The following ID4 variants were observed in gnomAD, a reference collection of about 807,000 sequenced individuals.
ID4 encodes the protein DNA-binding protein inhibitor ID-4.
A neutral mutation model predicts 8.6 loss-of-function variants in ID4; 9 were observed. The ratio of observed to expected loss-of-function variants is 1.04; its 90% CI spans 0.63 to 1.82. ID4 has a LOEUF of 1.82. Ranked by LOEUF, ID4 falls within the 40% of genes most tolerant of loss-of-function variation. ID4 has a pLI of 0.00. For synonymous variants in ID4, 180 were observed against 118.0 expected (o/e 1.53, Z -3.41); for missense variants, 270 against 235.1 (o/e 1.15, Z -0.97).
rs1761285677 is a variant in ID4, at chr6:19,838,656, TC to T, written c.*14+17del. ...CGCGCTGTCCAGGTGAGCGCGCATT[TC>T]CCGTCTCGGGTGGCCGGTCACCAGA... On this transcript the variant is annotated intron_variant, in intron 2 of 2. Coordinates refer to ENST00000378700, the MANE Select transcript of ID4 (RefSeq NM_001546.4). 6.2e-7 allele frequency: 1 copy of T among 1,610,528 alleles called. No homozygotes were observed. The highest frequency in any genetic ancestry group is 1.3e-5 in the African/African-American group (1 of 74,722).
chr6:19,837,634 CCCGAGCGCG>C lies in ID4; in HGVS notation c.-117_-109del, dbSNP rs1474522200. 87 of 622,510 alleles carry C rather than the reference CCCGAGCGCG, an allele frequency of 1.4e-4. 1 individual carries two copies. The African/African-American group carries it at 1.6e-3, about 11-fold the overall frequency. The allele number at this position is 622,510 out of a possible 1,614,324, so 38.6% of individuals were successfully genotyped here. On this transcript the variant is annotated 5_prime_UTR_variant, in exon 1 of 3. Coordinates refer to ENST00000378700, the MANE Select transcript of ID4 (RefSeq NM_001546.4). Reference sequence around the variant, plus strand: ...GTTGGGCTCGGGAGTGTCGCGGTGCCCCGAGCGCGCCGGGCGCGGAGGCAAAGGGAGCGG... The same window carrying C: ...GTTGGGCTCGGGAGTGTCGCGGTGCCCCGGGCGCGGAGGCAAAGGGAGCGG...
Position 19,838,141 on chromosome 6 carries a change from G to C in ID4, c.387G>C (p.Gly129=). The change falls in exon 1 of 3, where the codon GGG becomes GGC. Residue 129 remains glycine (G), a synonymous_variant. Transcript: ENST00000378700. ...CCGCGCCGCCACACCACCCGGCCGG[G>C]ACCTGTCCAGCCGCGCCGCCGCGGA... ...PPPAPPHHPA[G]TCPAAPPRTP... 2 of 1,557,626 alleles carry C rather than the reference G, an allele frequency of 1.3e-6. No individual in the cohort carries two copies. The highest frequency in any genetic ancestry group is 1.7e-6 in the Non-Finnish European group (2 of 1,152,332).
At position 19,839,758 on chromosome 6, in the gene ID4, GAGAA is replaced by G. The variant is rs72547244; in HGVS notation, c.*566_*569del. 64 of 152,560 alleles carry G rather than the reference GAGAA, an allele frequency of 4.2e-4. 1 individual carries two copies. In the East Asian group the frequency reaches 0.012, roughly 29 times the overall value. The allele number at this position is 152,560 out of a possible 1,614,324, so 9.5% of individuals were successfully genotyped here. On this transcript the variant is annotated 3_prime_UTR_variant, in exon 3 of 3. Transcript: ENST00000378700. ...ATATATAGAGATGTTCTATAAGTGT[GAGAA>G]AGTATATGCTTTAATAGATACTGTA... is the stretch of plus-strand genomic sequence containing the variant.
Position 19,842,098 on chromosome 6 carries a change from G to GT in ID4, c.*2904dup, listed in dbSNP as rs1761369776. On this transcript the variant is annotated 3_prime_UTR_variant, in exon 3 of 3. Coordinates refer to ENST00000378700, the MANE Select transcript of ID4 (RefSeq NM_001546.4). ...TGTGTAAACCTTACTCAAGTTTATT[G>GT]TCAAGCTTTAACTGCCTTTTTAGAA... is the stretch of plus-strand genomic sequence containing the variant. 6.6e-6 allele frequency among the ~76,000 whole-genome samples: 1 copy of GT among 152,166 alleles called. No individual in the cohort carries two copies. The highest frequency in any genetic ancestry group is 1.5e-5 in the Non-Finnish European group (1 of 68,014).
In ID4 at chr6:19,838,137, C is replaced by T; in HGVS notation, c.383C>T (p.Ala128Val). 1 of 1,565,626 alleles carries T rather than the reference C, an allele frequency of 6.4e-7. No individual in the cohort carries two copies. Among genetic ancestry groups the T allele is most frequent in the South Asian group, 1.2e-5 (1 of 85,588 alleles). ...PPPPAPPHHP[A>V]GTCPAAPPRT... ...CCGCCCGCGCCGCCACACCACCCGGCCGGGACCTGTCCAGCCGCGCCGCCG... is the reference window on the plus strand; with the variant it reads ...CCGCCCGCGCCGCCACACCACCCGGTCGGGACCTGTCCAGCCGCGCCGCCG... The change falls in exon 1 of 3, where the codon GCC becomes GTC. Residue 128 changes from alanine (A) to valine (V), a missense_variant. Ala to Val is a moderately conservative substitution (Grantham distance 64). Around this residue, in one of 3 missense-constraint regions of ID4, gnomAD observed 107 missense variants for 81.0 expected, o/e 1.32. Coordinates refer to ENST00000378700, the MANE Select transcript of ID4 (RefSeq NM_001546.4).
At position 19,838,018 on chromosome 6, in the gene ID4, C is replaced by T. The variant is rs781362981; in HGVS notation, c.264C>T (p.Val88=). Residue 88 remains valine (V), a synonymous_variant, in exon 1 of 3, where the codon GTC becomes GTT. Coordinates refer to ENST00000378700, the MANE Select transcript of ID4 (RefSeq NM_001546.4). ...LVPTIPPNKK[V]SKVEILQHVI... ...CCACCATCCCGCCCAACAAGAAAGTCAGCAAAGTGGAGATCCTGCAGCACG... is the reference window on the plus strand; with the variant it reads ...CCACCATCCCGCCCAACAAGAAAGTTAGCAAAGTGGAGATCCTGCAGCACG... The T allele has an allele frequency of 3.1e-6, 5 of 1,605,136 alleles. No individual in the cohort carries two copies. The Admixed American group carries it at 5.1e-5, about 16-fold the overall frequency.
intron 1 of ID4, 46 bp downstream of exon 1, chr6:19,838,241 G>T: frequency 7.6e-7 from 1 of 1,314,756 alleles, no homozygotes; most frequent in Non-Finnish European, 9.6e-7. Context: ...CGGGGGATGG[G>T]AGGTTGGTGG....
chr6:19,838,315 C>T lies in ID4; in HGVS notation c.441+120C>T, dbSNP rs964941097. ...AGGGGCGGGCCAGGAATGACAGCCC[C>T]CTCCCCCTGCTCCTCCGGGCTCCCC... On this transcript the variant is annotated intron_variant, in intron 1 of 2. Transcript: ENST00000378700. 1.4e-5 allele frequency: 15 copies of T among 1,058,792 alleles called. No individual in the cohort carries two copies. The East Asian group carries it at 3.0e-4, about 21-fold the overall frequency. The allele number at this position is 1,058,792 out of a possible 1,614,324, so 65.6% of individuals were successfully genotyped here.
At position 19,840,469 on chromosome 6, in the gene ID4, A is replaced by AG. The variant is rs1336584863; in HGVS notation, c.*1275dup. 3 of 148,198 alleles carry AG rather than the reference A, an allele frequency of 2.0e-5. No individual in the cohort carries two copies. Among genetic ancestry groups the AG allele is most frequent in the Non-Finnish European group, 3.1e-5 (2 of 65,432 alleles). The allele number at this position is 148,198 out of a possible 1,614,324, so 9.2% of individuals were successfully genotyped here. ...CAAAGAATTAATAGGCAACAGTGGGAGAAAAAAAAGGCATAATGGCAAATC... is the reference window on the plus strand; with the variant it reads ...CAAAGAATTAATAGGCAACAGTGGGAGGAAAAAAAAGGCATAATGGCAAATC... On this transcript the variant is annotated 3_prime_UTR_variant, in exon 3 of 3. Transcript: ENST00000378700.
In ID4 at chr6:19,841,600, A is replaced by G. The variant is rs2113469425; in HGVS notation, c.*2405A>G. On this transcript the variant is annotated 3_prime_UTR_variant, in exon 3 of 3. Coordinates refer to ENST00000378700, the MANE Select transcript of ID4 (RefSeq NM_001546.4). ...GTTTGTATTTGGGGCATGAAAAACT[A>G]CTGAAAGAAGAAAAGTGCTACAGAT... is the stretch of plus-strand genomic sequence containing the variant. Among the ~76,000 whole-genome samples the G allele has an allele frequency of 6.6e-6, 1 of 152,320 alleles. No individual in the cohort carries two copies. The highest frequency in any genetic ancestry group is 1.5e-5 in the Non-Finnish European group (1 of 68,020).
Position 19,837,696 on chromosome 6 carries a change from T to G in ID4, c.-59T>G. On this transcript the variant is annotated 5_prime_UTR_variant, in exon 1 of 3. Coordinates refer to ENST00000378700, the MANE Select transcript of ID4 (RefSeq NM_001546.4). ...CCGGCCGCGGACGGGGCCCGGAGCT[T>G]GCCTGCCTCCCTCGCTCGCCCCAGC... 2 of 1,061,808 alleles carry G rather than the reference T, an allele frequency of 1.9e-6. No individual in the cohort carries two copies. Among genetic ancestry groups the G allele is most frequent in the Non-Finnish European group, 2.3e-6 (2 of 875,084 alleles). 65.8% of individuals were successfully genotyped at this position (1,061,808 alleles called of 1,614,324 possible).
chr6:19,837,942 G>C lies in ID4; in HGVS notation c.188G>C (p.Cys63Ser). ...GCGGCGGCCGACGAGCCGGCGCTGT[G>C]CCTGCAGTGCGATATGAACGACTGC... ...AEAAADEPAL[C>S]LQCDMNDCYS... The change falls in exon 1 of 3, where the codon TGC becomes TCC. Residue 63 changes from cysteine to serine, a missense_variant. Physicochemically the swap from Cys to Ser is moderately radical, Grantham distance 112 (BLOSUM62 -1). This residue lies in a region of ID4 where 160 missense variants were observed against 131.5 expected (regional missense o/e 1.22). Coordinates refer to ENST00000378700, the MANE Select transcript of ID4 (RefSeq NM_001546.4). 6.6e-7 allele frequency: 1 copy of C among 1,511,604 alleles called. No individual in the cohort carries two copies. 93.6% of individuals were successfully genotyped at this position (1,511,604 alleles called of 1,614,324 possible).
chr6:19,838,908 G>A, intron 2 of ID4: 3 of 526,372 alleles, frequency 5.7e-6, no homozygotes, highest in Non-Finnish European at 1.0e-5. Flanking sequence ...GGGCTCTTCT[G>A]CCTTCCCTAG....
In ID4 at chr6:19,840,040, T is replaced by C. The variant is rs1027872654; in HGVS notation, c.*845T>C. On this transcript the variant is annotated 3_prime_UTR_variant, in exon 3 of 3. Transcript: ENST00000378700. ...ATGTTTAATCACAAATTAAACTTGT[T>C]CTGAGTCCATTCAAATGTGTTTTTT... The C allele has an allele frequency of 6.6e-6, 1 of 152,604 alleles. No individual in the cohort carries two copies. Among genetic ancestry groups the C allele is most frequent in the Non-Finnish European group, 1.5e-5 (1 of 68,016 alleles). 9.5% of individuals were successfully genotyped at this position (152,604 alleles called of 1,614,324 possible).
chr6:19,838,267 C>G (rs1054782398), intron 1 of ID4, 72 bp downstream of exon 1: 1 of 1,257,878 alleles, frequency 7.9e-7, no homozygotes, highest in Admixed American at 4.2e-5. Context: ...TGGCGGGACG[C>G]GGGCGCTCAC....
chr6:19,838,194 C>A lies in ID4; in HGVS notation c.440C>A (p.Pro147Gln). Reference sequence around the variant, plus strand: ...CCGCTCACTGCGCTCAACACCGACCCGGTGAGAGGCCGGGCGCCGGCCGTG... The same window carrying A: ...CCGCTCACTGCGCTCAACACCGACCAGGTGAGAGGCCGGGCGCCGGCCGTG... ...RTPLTALNTD[P>Q]AGAVNKQGDS... The change falls in exon 1 of 3, where the codon CCG (proline) becomes CAG (glutamine). Residue 147 changes from proline to glutamine, a missense_variant and splice_region_variant. This residue lies in a region of ID4 where 107 missense variants were observed against 81.0 expected (regional missense o/e 1.32). Transcript: ENST00000378700. 2 of 1,374,766 alleles carry A rather than the reference C, an allele frequency of 1.5e-6. No individual in the cohort carries two copies. The highest frequency in any genetic ancestry group is 1.8e-5 in the South Asian group (1 of 55,950). The allele number at this position is 1,374,766 out of a possible 1,614,324, so 85.2% of individuals were successfully genotyped here. A position where few individuals can be genotyped will look rare whatever the true frequency, so the allele number is the denominator to read the frequency against.
rs1761315812 is a variant in ID4 at position 19,839,669 on chromosome 6, C to A, written c.*474C>A. ...TAGATGATTATAACGGGGCAGAGAA[C>A]TTTCTTTTCTCTGCAAGAATGTTAC... On this transcript the variant is annotated 3_prime_UTR_variant, in exon 3 of 3. Coordinates refer to ENST00000378700, the MANE Select transcript of ID4 (RefSeq NM_001546.4). The A allele has an allele frequency of 6.6e-6, 1 of 152,350 alleles. No individual in the cohort carries two copies. The highest frequency in any genetic ancestry group is 2.4e-5 in the African/African-American group (1 of 41,304). 9.4% of individuals were successfully genotyped at this position (152,350 alleles called of 1,614,324 possible). A position where few individuals can be genotyped will look rare whatever the true frequency, so the allele number is the denominator to read the frequency against.
Position 19,838,162 on chromosome 6 carries a change from G to A in ID4, c.408G>A (p.Pro136=). The change falls in exon 1 of 3, where the codon CCG becomes CCA. Residue 136 remains proline (P), a synonymous_variant. Coordinates refer to ENST00000378700, the MANE Select transcript of ID4 (RefSeq NM_001546.4). ...HPAGTCPAAP[P]RTPLTALNTD... ...CCGGGACCTGTCCAGCCGCGCCGCC[G>A]CGGACCCCGCTCACTGCGCTCAACA... The A allele has an allele frequency of 6.6e-7, 1 of 1,508,734 alleles. No homozygotes were observed. The allele number at this position is 1,508,734 out of a possible 1,614,324, so 93.5% of individuals were successfully genotyped here.
rs750517356 is a variant in ID4, at chr6:19,838,096, G to A, written c.342G>A (p.Leu114=). The change falls in exon 1 of 3, where the codon CTG becomes CTA. Residue 114 remains leucine, a synonymous_variant. Transcript: ENST00000378700. Reference sequence around the variant, plus strand: ...TGGCGCTGGAGACGCACCCGGCCCTGCTGAGGCAGCCACCACCGCCCGCGC... The same window carrying A: ...TGGCGCTGGAGACGCACCCGGCCCTACTGAGGCAGCCACCACCGCCCGCGC... ...LQLALETHPA[L]LRQPPPPAPP... is the part of the protein sequence containing the mutation. The A allele has an allele frequency of 1.2e-6, 2 of 1,600,796 alleles. No homozygotes were observed. The highest frequency in any genetic ancestry group is 2.3e-5 in the East Asian group (1 of 44,096).
Sources: allele counts gnomAD v4.1 joint callset (sites outside exome capture counted in the v4.1 genomes callset), GRCh38; gene constraint gnomAD v4.1.1; regional missense constraint gnomAD v4.1.1; transcripts MANE v1.5; gene names NCBI Gene and HGNC (gene_info 2026-07-23, HGNC 2026-07-21).